SEMA4D: variants seen among roughly 807,000 people sequenced by gnomAD.
The protein encoded by SEMA4D is semaphorin 4D.
In SEMA4D, 22 loss-of-function variants were observed where a neutral mutation model predicts 74.8. That is an observed-to-expected ratio of 0.29 (90% confidence interval 0.21 to 0.42). The LOEUF is 0.42. Among genes scored for constraint, SEMA4D ranks in the 10% least tolerant of loss-of-function variants. SEMA4D has a pLI of 1.00. For synonymous variants in SEMA4D, 445 were observed against 463.7 expected, an observed-to-expected ratio of 0.96 and a Z score of 0.52; for missense variants, 937 against 1,118.4, an observed-to-expected ratio of 0.84 and a Z score of 2.31.
chr9:89,396,763 C>T lies in SEMA4D; in HGVS notation c.388G>A (p.Ala130Thr), dbSNP rs1398942351. ...AGGTGGTCACAGGCCGGCTGGAATG[C>T]GTTGGTCCCACACACGTAAAGGGAA... ...ATSLYVCGTN[A>T]FQPACDHLNL... Residue 130 changes from alanine (A) to threonine (T), a missense_variant, in exon 6 of 16, where the codon GCA (alanine) becomes ACA (threonine). Transcript: ENST00000422704. 5.6e-6 allele frequency: 9 copies of T among 1,613,672 alleles called. No individual in the cohort carries two copies. Among genetic ancestry groups the T allele is most frequent in the African/African-American group, 2.7e-5 (2 of 74,892 alleles).
chr9:89,362,320 G>T, exon 19 of SEMA4D: 2 of 1,612,488 alleles, frequency 1.2e-6, no homozygotes, highest in Non-Finnish European at 1.7e-6. Flanking sequence ...GGGGGACCAG[G>T]CCTTCTCCGG....
At chr9:89,376,658 C>G (rs1835827976), downstream of SEMA4D, 3 of 948,752 alleles carry the variant, frequency 3.2e-6, no homozygotes, top group African/African-American at 5.0e-5. Context: ...TACAGTTTCC[C>G]TCGGGATGGA....
chr9:89,477,255 TAC>T (rs61454447), intron 1 of SEMA4D, among the ~76,000 whole-genome samples: 138 of 147,636 alleles, frequency 9.3e-4, no homozygotes, highest in East Asian at 2.0e-3. Context: ...TACATGCACG[TAC>T]ACACACACAC....
At chr9:89,387,351 G>T in intron 12 of SEMA4D, 35 bp downstream of exon 12, 3 of 1,538,530 alleles carry the variant, frequency 1.9e-6, no homozygotes, top group Non-Finnish European at 2.7e-6. Context: ...CAGATGTGCT[G>T]TCACTGTCAA....
chr9:89,420,646 C>G (rs9410480), intron 2 of SEMA4D, among the ~76,000 whole-genome samples: 24,623 of 152,194 alleles, frequency 0.16, 2,521 homozygotes, highest in Middle Eastern at 0.26. Context: ...GCCTTCTGGG[C>G]GTACTCCCTA....
At chr9:89,442,855 G>A (rs534464028) in intron 2 of SEMA4D, among the ~76,000 whole-genome samples, 3 of 152,300 alleles carry the variant, frequency 2.0e-5, no homozygotes, top group Admixed American at 2.0e-4. Flanking sequence ...AGTCAATGCT[G>A]GGGACCCTGG....
At chr9:89,416,414 C>T (rs1240115829) in intron 2 of SEMA4D, among the ~76,000 whole-genome samples, 2 of 152,130 alleles carry the variant, frequency 1.3e-5, no homozygotes, top group African/African-American at 4.8e-5. Context: ...CTGGTCTACA[C>T]GAACTGCCTG....
chr9:89,440,090 G>T (rs567129995), intron 2 of SEMA4D, among the ~76,000 whole-genome samples: 5 of 152,288 alleles, frequency 3.3e-5, no homozygotes, highest in Non-Finnish European at 7.4e-5. Flanking sequence ...ATGGAGCCAC[G>T]ATAAGAGGCC....
downstream of SEMA4D, among the ~76,000 whole-genome samples, chr9:89,376,145 C>T (rs986226991): frequency 4.6e-5 from 7 of 152,200 alleles, no homozygotes; most frequent in East Asian, 1.9e-4. Context: ...TTAAATACCA[C>T]GAAGCAAGTC....
chr9:89,494,798 A>G (rs971842492), intron 1 of SEMA4D, among the ~76,000 whole-genome samples: 2 of 151,982 alleles, frequency 1.3e-5, no homozygotes, highest in Non-Finnish European at 2.9e-5. Context: ...TCCCCACCCC[A>G]CACTAATCTG....
At chr9:89,452,975 G>GC (rs1356066873) in intron 2 of SEMA4D, among the ~76,000 whole-genome samples, 1 of 152,234 alleles carries the variant, frequency 6.6e-6, no homozygotes, top group African/African-American at 2.4e-5. Flanking sequence ...CAGGGCTGCA[G>GC]CAGAGGACCT....
At chr9:89,361,533 T>G (rs1182059238) in exon 19 of SEMA4D, 1 of 152,224 alleles carries the variant, frequency 6.6e-6, no homozygotes, top group Non-Finnish European at 1.5e-5. Flanking sequence ...TGACACAGTC[T>G]TCAGAGATAC....
intron 2 of SEMA4D, among the ~76,000 whole-genome samples, chr9:89,423,912 C>T (rs1847552582): frequency 6.8e-6 from 1 of 146,474 alleles, no homozygotes; most frequent in Admixed American, 6.8e-5. Context: ...CCCTCCACTA[C>T]TCCCTCAGTA....
At chr9:89,429,454 A>G (rs551752335) in intron 2 of SEMA4D, among the ~76,000 whole-genome samples, 1 of 152,278 alleles carries the variant, frequency 6.6e-6, no homozygotes, top group Admixed American at 6.5e-5. Flanking sequence ...TCCGGAAGTC[A>G]TATCAGTGTT....
At chr9:89,466,566 A>G (rs866969851) in intron 1 of SEMA4D, among the ~76,000 whole-genome samples, 2 of 152,134 alleles carry the variant, frequency 1.3e-5, no homozygotes, top group African/African-American at 4.8e-5. Context: ...GCAGTGCATC[A>G]TCGAGGGAGC....
intron 2 of SEMA4D, chr9:89,450,135 C>T: frequency 1.6e-6 from 2 of 1,260,954 alleles, no homozygotes; most frequent in Admixed American, 3.4e-5. Context: ...GCTGAAGCAG[C>T]ATGTCATCGA....
At chr9:89,408,926 A>G (rs1222370481) in intron 2 of SEMA4D, among the ~76,000 whole-genome samples, 3 of 152,216 alleles carry the variant, frequency 2.0e-5, no homozygotes, top group Non-Finnish European at 4.4e-5. Context: ...CACACAAAAG[A>G]AACAGCAATG....
chr9:89,469,377 T>C (rs923570941), intron 1 of SEMA4D, among the ~76,000 whole-genome samples: 8 of 152,220 alleles, frequency 5.3e-5, no homozygotes, highest in African/African-American at 1.9e-4. Flanking sequence ...AACAATTACA[T>C]ACACTCTCTT....
chr9:89,446,204 T>C (rs1852799775), intron 2 of SEMA4D, among the ~76,000 whole-genome samples: 1 of 152,096 alleles, frequency 6.6e-6, no homozygotes, highest in South Asian at 2.1e-4. Flanking sequence ...CTAGCCTCTG[T>C]GCCCTCTGTG....
Sources: allele counts gnomAD v4.1 joint callset (sites outside exome capture counted in the v4.1 genomes callset), GRCh38; gene constraint gnomAD v4.1.1; transcripts MANE v1.5; gene names NCBI Gene and HGNC (gene_info 2026-07-23, HGNC 2026-07-21).